The following SPINK1 variants were observed in gnomAD, a reference collection of about 807,000 sequenced individuals.
SPINK1 encodes serine peptidase inhibitor Kazal type 1.
SPINK1 carries 5 observed loss-of-function variants against 9.5 expected under a neutral mutation model. The ratio of observed to expected loss-of-function variants is 0.52; its 90% CI spans 0.27 to 1.10. SPINK1 has a LOEUF of 1.10. SPINK1 is among the 50% of genes least tolerant of loss of function. SPINK1 has a pLI of 0.11. For missense variants in SPINK1, 88 were observed against 92.7 expected, an observed-to-expected ratio of 0.95 and a Z score of 0.21; for synonymous variants, 37 against 32.3, an observed-to-expected ratio of 1.14 and a Z score of -0.49.
rs1448285126 is a variant in SPINK1, at chr5:147,831,621, A to G, written c.-44T>C. On this transcript the variant is annotated 5_prime_UTR_variant, in exon 1 of 4. Coordinates refer to ENST00000296695, the MANE Select transcript of SPINK1 (RefSeq NM_001379610.1). ...AGAGGTCAGTTGAAAACTGCACCGC[A>G]CTTACCACGTCTCTTCAGAAGCCTG... 1.9e-6 allele frequency: 3 copies of G among 1,610,720 alleles called. No individual in the cohort carries two copies. The highest frequency in any genetic ancestry group is 4.5e-5 in the East Asian group (2 of 44,596).
At chr5:147,838,962 A>T in the SPINK1 span, among the ~76,000 whole-genome samples, 1 of 152,048 alleles carries the variant, frequency 6.6e-6, no homozygotes, top group Non-Finnish European at 1.5e-5. Flanking sequence ...CAACACTGTG[A>T]TCCCTGTCTC....
chr5:147,829,792 G>GAT (rs1212750850), intron 1 of SPINK1, among the ~76,000 whole-genome samples, 162 bp from the exon 2 acceptor site: 1 of 152,138 alleles, frequency 6.6e-6, no homozygotes, highest in Non-Finnish European at 1.5e-5. Context: ...GTATCTGACT[G>GAT]ATTTTCCTGT....
At chr5:147,839,026 G>C in the SPINK1 span, among the ~76,000 whole-genome samples, 1 of 152,210 alleles carries the variant, frequency 6.6e-6, no homozygotes, top group South Asian at 2.1e-4. Context: ...GGATTAGTCT[G>C]CTCTCATACT....
upstream of SPINK1, among the ~76,000 whole-genome samples, chr5:147,833,015 G>T (rs1209773172): frequency 6.6e-6 from 1 of 152,162 alleles, no homozygotes; most frequent in Admixed American, 6.6e-5. Context: ...GAAGGATAAG[G>T]GTGCTGGAGG....
chr5:147,825,314 G>C (rs998257540), intron 3 of SPINK1, among the ~76,000 whole-genome samples: 1 of 151,788 alleles, frequency 6.6e-6, no homozygotes, highest in African/African-American at 2.4e-5. Flanking sequence ...ACTGTTTCCA[G>C]GTCTTTAATT....
At chr5:147,829,510 G>A in intron 2 of SPINK1, 89 bp downstream of exon 2, 2 of 1,290,570 alleles carry the variant, frequency 1.5e-6, no homozygotes, top group South Asian at 1.2e-5. Context: ...TTAACTTCAG[G>A]CTAAACTGAA....
the SPINK1 span, among the ~76,000 whole-genome samples, chr5:147,838,538 T>C: frequency 6.6e-6 from 1 of 152,222 alleles, no homozygotes; most frequent in South Asian, 2.1e-4. Flanking sequence ...CTAGATGTGT[T>C]GTATATGTCT....
chr5:147,826,606 A>T (rs1300659186), intron 3 of SPINK1, among the ~76,000 whole-genome samples: 1 of 152,132 alleles, frequency 6.6e-6, no homozygotes, highest in East Asian at 1.9e-4. Flanking sequence ...TTCTCCTCCC[A>T]TTGGATGGAA....
At chr5:147,835,093 G>T (rs1039953780), upstream of SPINK1, among the ~76,000 whole-genome samples, 1 of 151,906 alleles carries the variant, frequency 6.6e-6, no homozygotes, top group Non-Finnish European at 1.5e-5. Context: ...ATAGGGAATG[G>T]CCCTTTGCAG....
At chr5:147,838,323 C>G in the SPINK1 span, among the ~76,000 whole-genome samples, 1 of 152,188 alleles carries the variant, frequency 6.6e-6, no homozygotes, top group Non-Finnish European at 1.5e-5. Flanking sequence ...GACAAAAGGT[C>G]AATTAATGAA....
At chr5:147,838,776 T>C in the SPINK1 span, among the ~76,000 whole-genome samples, 1 of 152,178 alleles carries the variant, frequency 6.6e-6, no homozygotes, top group African/African-American at 2.4e-5. Flanking sequence ...TAATCCATCA[T>C]CAACTTTCCT....
At chr5:147,833,118 A>G (rs1756537021), upstream of SPINK1, among the ~76,000 whole-genome samples, 1 of 152,174 alleles carries the variant, frequency 6.6e-6, no homozygotes, top group Non-Finnish European at 1.5e-5. Flanking sequence ...GATTTGAACT[A>G]TGCATTTATT....
the SPINK1 span, among the ~76,000 whole-genome samples, chr5:147,838,463 T>C: frequency 6.6e-6 from 1 of 152,130 alleles, no homozygotes; most frequent in Non-Finnish European, 1.5e-5. Context: ...ACCAAACCTC[T>C]TATGTCTTAT....
the SPINK1 span, among the ~76,000 whole-genome samples, chr5:147,837,648 C>A: frequency 9.2e-6 from 1 of 108,184 alleles, no homozygotes; most frequent in South Asian, 2.9e-4. Flanking sequence ...ACATTAACTT[C>A]TTTTCTTTCT....
Position 147,828,072 on chromosome 5 carries a change from C to T in SPINK1, c.144G>A (p.Gly48=), listed in dbSNP as rs945370431. 2 of 1,613,380 alleles carry T rather than the reference C, an allele frequency of 1.2e-6. No individual in the cohort carries two copies. The highest frequency in any genetic ancestry group is 2.2e-5 in the East Asian group (1 of 44,780). ...CATTGGGATAAGTATTTCCATCAGT[C>T]CCACAGACAGGGTCATATATCTTGG... ...GCTKIYDPVC[G]TDGNTYPNEC... is the part of the protein sequence containing the mutation. Residue 48 remains glycine (G), a synonymous_variant, in exon 3 of 4, where the codon GGG becomes GGA. Transcript: ENST00000296695.
intron 2 of SPINK1, 70 bp downstream of exon 2, chr5:147,829,529 G>A: frequency 2.0e-6 from 3 of 1,470,784 alleles, no homozygotes; most frequent in Non-Finnish European, 1.9e-6. Flanking sequence ...AAAGGTGACA[G>A]CAAGGCTGCA....
In SPINK1 at chr5:147,824,629, G is replaced by A. The variant is rs11319; in HGVS notation, c.*32C>T. The stretch of plus-strand genomic sequence containing the variant: ...AACAATAAGGCCAGTCAGGCCTCGC[G>A]GTGACCTGATGGGATTTCAAAACCT... On this transcript the variant is annotated 3_prime_UTR_variant, in exon 4 of 4. Coordinates refer to ENST00000296695, the MANE Select transcript of SPINK1 (RefSeq NM_001379610.1). 80,425 of 1,607,666 alleles carry A rather than the reference G, an allele frequency of 0.05. 3,805 individuals carry two copies. Among genetic ancestry groups the A allele is most frequent in the Admixed American group, 0.19 (11,149 of 59,950 alleles).
upstream of SPINK1, among the ~76,000 whole-genome samples, chr5:147,834,505 G>T (rs1457222696): frequency 6.6e-6 from 1 of 152,082 alleles, no homozygotes; most frequent in East Asian, 1.9e-4. Context: ...GATCATATTT[G>T]ATTTGATTTG....
chr5:147,838,678 A>G, the SPINK1 span, among the ~76,000 whole-genome samples: 2 of 152,156 alleles, frequency 1.3e-5, no homozygotes, highest in African/African-American at 4.8e-5. Flanking sequence ...AAATTTCTCC[A>G]GTTCTCTTGA....
Sources: gnomAD v4.1 joint callset for allele counts (sites outside exome capture counted in the v4.1 genomes callset) on GRCh38, gnomAD v4.1.1 for gene constraint, MANE v1.5 for transcripts, NCBI Gene and HGNC (gene_info 2026-07-23, HGNC 2026-07-21) for gene names.